ITPR1: variants seen among roughly 807,000 people sequenced by gnomAD.
ITPR1 encodes the protein inositol 1,4,5-trisphosphate-gated calcium channel ITPR1.
In ITPR1, 96 loss-of-function variants were observed where a neutral mutation model predicts 318.4. That is an observed-to-expected ratio of 0.30 (90% CI 0.26 to 0.36). The LOEUF (loss-of-function observed/expected upper bound fraction) is 0.36, where lower values mean the gene tolerates loss of function less well. Ranked by LOEUF, ITPR1 falls within the 10% of genes least tolerant of loss-of-function variation. The probability of loss-of-function intolerance (pLI) is 1.00; values close to 1 mark genes in which losing one functional copy is unlikely to be tolerated. For missense variants in ITPR1, 2,440 were observed against 3,460.2 expected (o/e 0.71, Z 7.40); for synonymous variants, 1,312 against 1,289.9 (o/e 1.02, Z -0.37).
rs532485421 is a variant in ITPR1, at chr3:4,615,078, C to T, written c.164-12685C>T. 3.3e-5 allele frequency among the ~76,000 whole-genome samples: 5 copies of T among 152,198 alleles called. No homozygotes were observed. The South Asian group carries it at 8.3e-4, about 25-fold the overall frequency. On this transcript the variant is annotated intron_variant, in intron 4 of 61. Coordinates refer to ENST00000649015, the MANE Select transcript of ITPR1 (RefSeq NM_001378452.1). ...CCAGGCACTATGGGAGGCATGGCTG[C>T]GGAGCCAGGTCCATGTGTGGGAACC...
intron 54 of ITPR1, among the ~76,000 whole-genome samples, chr3:4,803,299 C>T (rs911340453): frequency 6.6e-6 from 1 of 152,196 alleles, no homozygotes; most frequent in African/African-American, 2.4e-5. Context: ...CAGAACCAAA[C>T]CATACTGCCA....
At chr3:4,595,232 G>A (rs796658277) in intron 4 of ITPR1, among the ~76,000 whole-genome samples, 3 of 152,316 alleles carry the variant, frequency 2.0e-5, no homozygotes, top group African/African-American at 7.2e-5. Flanking sequence ...CATATAGGAA[G>A]CATGATGCTG....
intron 48 of ITPR1, among the ~76,000 whole-genome samples, chr3:4,778,235 G>T (rs1379301955): frequency 6.6e-6 from 1 of 152,166 alleles, no homozygotes; most frequent in Non-Finnish European, 1.5e-5. Context: ...GAGCTTGCAG[G>T]CATCAGGTTT....
At chr3:4,739,732 A>T (rs996600148) in intron 44 of ITPR1, among the ~76,000 whole-genome samples, 1 of 152,294 alleles carries the variant, frequency 6.6e-6, no homozygotes, top group Admixed American at 6.5e-5. Context: ...GCCTAGCATG[A>T]TTCTGTGAGC....
chr3:4,697,352 G>GTA, intron 34 of ITPR1, 80 bp downstream of exon 34: 3 of 1,318,644 alleles, frequency 2.3e-6, no homozygotes, highest in South Asian at 3.0e-5. Flanking sequence ...GTGTGTGTGT[G>GTA]TAGCATCTTT....
chr3:4,695,821 C>T lies in ITPR1; in HGVS notation c.4282-1326C>T, dbSNP rs146732195. Among the ~76,000 whole-genome samples the T allele has an allele frequency of 3.9e-5, 6 of 152,250 alleles. No homozygotes were observed. The East Asian group carries it at 1.2e-3, about 29-fold the overall frequency. On this transcript the variant is annotated intron_variant, in intron 33 of 61. Coordinates refer to ENST00000649015, the MANE Select transcript of ITPR1 (RefSeq NM_001378452.1). ...TAGGTTTTTCATTCTTCTACTGATG[C>T]TCATTTTAGTTGTTTCCAGCTTTTG...
At chr3:4,553,715 C>T (rs1007013447) in intron 4 of ITPR1, among the ~76,000 whole-genome samples, 7 of 152,038 alleles carry the variant, frequency 4.6e-5, no homozygotes, top group African/African-American at 1.7e-4. Flanking sequence ...ATTCTCCTCC[C>T]TCAGTCTCCT....
rs1481069103 is a variant in ITPR1 at position 4,699,797 on chromosome 3, C to G, written c.4408-16C>G. On this transcript the variant is annotated splice_polypyrimidine_tract_variant and intron_variant, in intron 34 of 61. Transcript: ENST00000649015. ...AGGTTTTGGTGTAATGCTTAACATA[C>G]CCACTTGTCTTCCAGGCCTGTAACA... 6.2e-7 allele frequency: 1 copy of G among 1,612,672 alleles called. No individual in the cohort carries two copies. Among genetic ancestry groups the G allele is most frequent in the Non-Finnish European group, 8.5e-7 (1 of 1,179,140 alleles).
intron 4 of ITPR1, among the ~76,000 whole-genome samples, chr3:4,542,542 T>A (rs1042636575): frequency 2.0e-5 from 3 of 152,212 alleles, no homozygotes; most frequent in African/African-American, 7.2e-5. Context: ...GAGGGTAACT[T>A]ATTTATCTTG....
chr3:4,821,556 G>C (rs980319545), intron 60 of ITPR1, among the ~76,000 whole-genome samples: 7 of 152,218 alleles, frequency 4.6e-5, no homozygotes, highest in Non-Finnish European at 5.9e-5. Context: ...GGCTGACTTG[G>C]AAAGAATGAC....
intron 4 of ITPR1, among the ~76,000 whole-genome samples, chr3:4,591,591 A>G (rs529012484): frequency 3.3e-5 from 5 of 152,368 alleles, no homozygotes; most frequent in Admixed American, 1.3e-4. Context: ...AAAAAATGGC[A>G]GGATAGCCTG....
chr3:4,525,696 ACCT>A (rs1575413955), intron 4 of ITPR1, among the ~76,000 whole-genome samples: 3 of 152,296 alleles, frequency 2.0e-5, no homozygotes, highest in Admixed American at 6.5e-5. Context: ...GTAAGGCAGA[ACCT>A]CCTCTTCTCC....
At chr3:4,735,397 CAGG>C (rs1251735276) in intron 44 of ITPR1, 43 bp downstream of exon 44, 10 of 1,525,152 alleles carry the variant, frequency 6.6e-6, no homozygotes, top group Non-Finnish European at 9.1e-6. Flanking sequence ...CCCTGCTGAG[CAGG>C]AGGAGAGTCT....
At chr3:4,685,392 A>C (rs1196975735) in intron 30 of ITPR1, among the ~76,000 whole-genome samples, 186 bp downstream of exon 30, 1 of 152,286 alleles carries the variant, frequency 6.6e-6, no homozygotes, top group Non-Finnish European at 1.5e-5. Flanking sequence ...ATCACCCGTG[A>C]ATAATCCTCA....
In ITPR1 at chr3:4,717,977, T is replaced by G. The variant is rs115436595; in HGVS notation, c.5136+578T>G. Among the ~76,000 whole-genome samples the G allele has an allele frequency of 1.5e-3, 226 of 152,324 alleles. 1 individual carries two copies. Among genetic ancestry groups the G allele is most frequent in the African/African-American group, 5.2e-3 (217 of 41,570 alleles). ...AGAAATGTCCTGTATCCATGGCTTC[T>G]CTTCTAGGAAAACTATGTATAGATC... is the stretch of plus-strand genomic sequence containing the variant. On this transcript the variant is annotated intron_variant, in intron 40 of 61. Coordinates refer to ENST00000649015, the MANE Select transcript of ITPR1 (RefSeq NM_001378452.1).
chr3:4,544,482 C>T (rs536624290), intron 4 of ITPR1, among the ~76,000 whole-genome samples: 1 of 152,312 alleles, frequency 6.6e-6, no homozygotes, highest in South Asian at 2.1e-4. Context: ...ACAGCAGAGG[C>T]TTTAATGAGT....
At chr3:4,611,094 T>G (rs73104468) in intron 4 of ITPR1, among the ~76,000 whole-genome samples, 17,366 of 129,966 alleles carry the variant, frequency 0.13, 1,408 homozygotes, top group African/African-American at 0.17. Context: ...CTGTCTTTCT[T>G]GACTTAAAGA....
chr3:4,812,960 T>A (rs2049036636), intron 56 of ITPR1, 182 bp from the exon 57 acceptor site: 1 of 605,456 alleles, frequency 1.7e-6, no homozygotes. Context: ...CATTTTTGGC[T>A]TTTTTCCCAT....
intron 60 of ITPR1, among the ~76,000 whole-genome samples, chr3:4,823,599 A>AAAAAAAC: frequency 6.6e-6 from 1 of 152,300 alleles, no homozygotes; most frequent in Non-Finnish European, 1.5e-5. Context: ...GTGGGGGCTA[A>AAAAAAAC]AAAAAACAAA....
Sources: allele counts gnomAD v4.1 joint callset (sites outside exome capture counted in the v4.1 genomes callset), GRCh38; gene constraint gnomAD v4.1.1; transcripts MANE v1.5; gene names NCBI Gene and HGNC (gene_info 2026-07-23, HGNC 2026-07-21).